The following ZIM2 variants were observed in gnomAD, a reference collection of about 807,000 sequenced individuals.
ZIM2 encodes zinc finger protein 656.
ZIM2 carries 14 observed loss-of-function variants against 38.6 expected under a neutral mutation model. The ratio of observed to expected loss-of-function variants is 0.36; its 90% CI spans 0.24 to 0.57. The LOEUF (loss-of-function observed/expected upper bound fraction) is 0.57. Ranked by LOEUF, ZIM2 falls within the 20% of genes least tolerant of loss-of-function variation. ZIM2 has a pLI of 0.81. For missense variants in ZIM2, 680 were observed against 695.1 expected (o/e 0.98, Z 0.24); for synonymous variants, 247 against 245.8 (o/e 1.00, Z -0.04).
intron 9 of ZIM2, chr19:56,815,882 C>T (rs201717088): frequency 1.2e-6 from 2 of 1,613,364 alleles, no homozygotes; most frequent in Non-Finnish European, 1.7e-6. Context: ...TCATTAGATT[C>T]CACCAATTCA....
At chr19:56,838,840 C>T (rs377426430) in intron 1 of ZIM2, among the ~76,000 whole-genome samples, 2 of 152,200 alleles carry the variant, frequency 1.3e-5, no homozygotes, top group African/African-American at 2.4e-5. Flanking sequence ...GCACAGCAAC[C>T]GTGGCCCCGC....
chr19:56,835,668 G>A (rs1415863402), intron 2 of ZIM2, among the ~76,000 whole-genome samples: 1 of 152,178 alleles, frequency 6.6e-6, no homozygotes, highest in Non-Finnish European at 1.5e-5. Context: ...TTCCCCCATT[G>A]GGGCTATGTC....
chr19:56,779,791 C>G (rs1362541223), intron 11 of ZIM2, among the ~76,000 whole-genome samples: 1 of 152,032 alleles, frequency 6.6e-6, no homozygotes, highest in Admixed American at 6.5e-5. Context: ...TTGAACAACC[C>G]TGCTATGAAG....
chr19:56,801,887 C>A (rs1254953545), intron 9 of ZIM2, among the ~76,000 whole-genome samples: 1 of 152,152 alleles, frequency 6.6e-6, no homozygotes, highest in African/African-American at 2.4e-5. Context: ...GGCAAGCCCA[C>A]CTACTGGCTG....
chr19:56,797,305 TAAATAAATAAAC>T (rs2047280571), intron 9 of ZIM2, among the ~76,000 whole-genome samples: 1 of 150,578 alleles, frequency 6.6e-6, no homozygotes, highest in Admixed American at 6.6e-5. Flanking sequence ...ATGTCTCAAA[TAAATAAATAAAC>T]AAATAAATAA....
chr19:56,819,105 G>T (rs2060244584), intron 7 of ZIM2, among the ~76,000 whole-genome samples: 1 of 152,194 alleles, frequency 6.6e-6, no homozygotes, highest in South Asian at 2.1e-4. Flanking sequence ...GCCTTAAGTG[G>T]TAAGTGAGAT....
At chr19:56,835,872 A>G (rs2146635489) in intron 2 of ZIM2, 146 bp downstream of exon 2, 1 of 345,566 alleles carries the variant, frequency 2.9e-6, no homozygotes, top group South Asian at 2.3e-5. Flanking sequence ...ACAATCCACC[A>G]GAAGAGTCTG....
chr19:56,781,340 A>G (rs1232926773), intron 11 of ZIM2, among the ~76,000 whole-genome samples: 3 of 152,174 alleles, frequency 2.0e-5, no homozygotes, highest in African/African-American at 4.8e-5. Flanking sequence ...TTCACTTTTC[A>G]CTTTCAACTT....
At chr19:56,813,055 C>G in intron 9 of ZIM2, 1 of 985,360 alleles carries the variant, frequency 1.0e-6, no homozygotes, top group Non-Finnish European at 1.2e-6. Context: ...TCTATCATGC[C>G]TACAGCTTCA....
At chr19:56,822,674 C>T (rs2060615631) in intron 6 of ZIM2, 79 bp downstream of exon 6, 3 of 1,561,508 alleles carry the variant, frequency 1.9e-6, no homozygotes, top group Admixed American at 3.7e-5. Context: ...AACTTCGAGG[C>T]CCTGGCACTT....
intron 9 of ZIM2, chr19:56,792,995 T>C (rs1296821273): frequency 6.5e-6 from 1 of 152,676 alleles, no homozygotes; most frequent in Non-Finnish European, 1.5e-5. Flanking sequence ...GCTTCCTCCT[T>C]CTCACCTTCC....
intron 9 of ZIM2, chr19:56,816,892 C>T (rs756641557): frequency 1.1e-5 from 17 of 1,614,086 alleles, no homozygotes; most frequent in Middle Eastern, 1.6e-4. Context: ...CAAGGCGGCA[C>T]TCTTATTGAA....
chr19:56,809,206 C>T (rs1365635525), intron 9 of ZIM2, among the ~76,000 whole-genome samples: 2 of 152,148 alleles, frequency 1.3e-5, no homozygotes, highest in African/African-American at 4.8e-5. Flanking sequence ...TGATGCTCGT[C>T]ACAGAATGAC....
intron 9 of ZIM2, chr19:56,813,925 T>C: frequency 6.2e-7 from 1 of 1,614,186 alleles, no homozygotes; most frequent in Non-Finnish European, 8.5e-7. Context: ...TTCATGGCAG[T>C]CATAGTATGG....
At chr19:56,791,582 A>T (rs1409351416) in intron 9 of ZIM2, among the ~76,000 whole-genome samples, 1 of 152,140 alleles carries the variant, frequency 6.6e-6, no homozygotes, top group African/African-American at 2.4e-5. Context: ...GTACTATCCA[A>T]CCCAAAAGTA....
intron 7 of ZIM2, among the ~76,000 whole-genome samples, 165 bp from the exon 8 acceptor site, chr19:56,818,867 C>T (rs1004732115): frequency 6.6e-6 from 1 of 152,222 alleles, no homozygotes; most frequent in Admixed American, 6.5e-5. Flanking sequence ...GGACCTACGT[C>T]GTACCTACCT....
At chr19:56,800,515 T>A (rs2047466643) in intron 9 of ZIM2, among the ~76,000 whole-genome samples, 1 of 152,290 alleles carries the variant, frequency 6.6e-6, no homozygotes, top group South Asian at 2.1e-4. Context: ...CTGTAAGTTG[T>A]ATTCTTATTG....
chr19:56,790,008 C>A (rs571563093), intron 9 of ZIM2, 57 bp from the exon 10 acceptor site: 32 of 1,402,812 alleles, frequency 2.3e-5, no homozygotes, highest in Non-Finnish European at 3.0e-5. Flanking sequence ...CACTGACAGA[C>A]ACAGTGGCCA....
chr19:56,828,224 A>G (rs775527006), intron 2 of ZIM2, among the ~76,000 whole-genome samples: 2 of 152,144 alleles, frequency 1.3e-5, no homozygotes, highest in Non-Finnish European at 2.9e-5. Flanking sequence ...GTCATACCCT[A>G]ACCTGGCCAT....
Sources: gnomAD v4.1 joint callset for allele counts (sites outside exome capture counted in the v4.1 genomes callset) on GRCh38, gnomAD v4.1.1 for gene constraint, MANE v1.5 for transcripts, NCBI Gene and HGNC (gene_info 2026-07-23, HGNC 2026-07-21) for gene names.